SRSF12: variants seen among roughly 807,000 people sequenced by gnomAD.
SRSF12 encodes the protein serine/arginine-rich splicing factor 12.
A neutral mutation model predicts 34.1 loss-of-function variants in SRSF12; 21 were observed. The ratio of observed to expected loss-of-function variants is 0.62; its 90% CI spans 0.44 to 0.89. The LOEUF is 0.89. Among genes scored for constraint, SRSF12 ranks in the 40% least tolerant of loss-of-function variants. The probability of loss-of-function intolerance (pLI) is 0.00; values close to 1 mark genes in which losing one functional copy is unlikely to be tolerated. For synonymous variants in SRSF12, 111 were observed against 110.8 expected (o/e 1.00, Z -0.01); for missense variants, 278 against 327.8 (o/e 0.85, Z 1.17).
chr6:89,098,983 C>T (rs1477834715), intron 4 of SRSF12, 36 bp from the exon 5 acceptor site: 1 of 1,563,388 alleles, frequency 6.4e-7, no homozygotes, highest in Admixed American at 1.9e-5. Flanking sequence ...ATATATTTCA[C>T]ACAAAATAAG....
chr6:89,108,943 T>C (rs1264823803), intron 1 of SRSF12, among the ~76,000 whole-genome samples: 1 of 152,236 alleles, frequency 6.6e-6, no homozygotes, highest in East Asian at 1.9e-4. Flanking sequence ...CTTTATTTCA[T>C]TTAACACTCA....
At chr6:89,106,941 C>T (rs1409242775) in intron 2 of SRSF12, 1 of 593,800 alleles carries the variant, frequency 1.7e-6, no homozygotes, top group Non-Finnish European at 3.2e-6. Flanking sequence ...TTTTGTCTCG[C>T]CTGCTGGGTT....
rs2127999156 is a variant in SRSF12 at position 89,117,865 on chromosome 6, G to A, written c.23C>T (p.Pro8Leu). The change falls in exon 1 of 5, where the codon CCC becomes CTC. Residue 8 changes from proline (P) to leucine (L), a missense_variant. Pro to Leu is a moderately conservative substitution (Grantham distance 98). Coordinates refer to ENST00000452027, the MANE Select transcript of SRSF12 (RefSeq NM_080743.5). The part of the protein sequence containing the change: MSRYTRP[P>L]NTSLFIRNVA... ...GTTCCTGATGAACAGGGAGGTGTTGGGGGGCCTCGTGTAGCGAGACATGAC... is the reference window on the plus strand; with the variant it reads ...GTTCCTGATGAACAGGGAGGTGTTGAGGGGCCTCGTGTAGCGAGACATGAC... The A allele has an allele frequency of 6.4e-7, 1 of 1,563,408 alleles. No individual in the cohort carries two copies. Among genetic ancestry groups the A allele is most frequent in the Non-Finnish European group, 8.6e-7 (1 of 1,157,022 alleles).
At chr6:89,117,689 G>A (rs1769375037) in intron 1 of SRSF12, 134 bp downstream of exon 1, 3 of 858,636 alleles carry the variant, frequency 3.5e-6, no homozygotes, top group Non-Finnish European at 3.3e-6. Flanking sequence ...ACCTCCCCAA[G>A]TGGCGCAGCC....
chr6:89,101,109 C>CAAA (rs764910655), intron 4 of SRSF12, among the ~76,000 whole-genome samples: 3 of 54,630 alleles, frequency 5.5e-5, no homozygotes, highest in Non-Finnish European at 1.4e-4. Context: ...ACCTCCAAGA[C>CAAA]AAAAAAAAAA....
At position 89,105,154 on chromosome 6, in the gene SRSF12, C is replaced by T; in HGVS notation, c.381G>A (p.Trp127Ter). The change falls in exon 4 of 5, where the codon TGG becomes TGA. Residue 127 changes from tryptophan (W) to a stop codon, truncating the protein, a stop_gained. Coordinates refer to ENST00000452027, the MANE Select transcript of SRSF12 (RefSeq NM_080743.5). LOFTEE classifies it high-confidence loss of function. ...QRRTRSRSSS[W>*]GRNRRRSDSL... ...TGTCTGACCGCCTCCTATTTCTTCC[C>T]CATGAAGAACTTCTACTTCGAGTTC... 1 of 1,612,640 alleles carries T rather than the reference C, an allele frequency of 6.2e-7. No homozygotes were observed. The highest frequency in any genetic ancestry group is 1.1e-5 in the South Asian group (1 of 90,840).
At chr6:89,117,461 G>A (rs993587021) in intron 1 of SRSF12, among the ~76,000 whole-genome samples, 5 of 152,178 alleles carry the variant, frequency 3.3e-5, no homozygotes, top group Non-Finnish European at 5.9e-5. Flanking sequence ...TGAAACGCGG[G>A]CACTCGCTGG....
intron 4 of SRSF12, among the ~76,000 whole-genome samples, chr6:89,102,659 C>A (rs923249950): frequency 1.3e-5 from 2 of 152,184 alleles, no homozygotes; most frequent in African/African-American, 4.8e-5. Context: ...AATTTTAACA[C>A]TGTTCAGGAA....
intron 3 of SRSF12, 51 bp from the exon 4 acceptor site, chr6:89,105,311 C>T: frequency 1.3e-6 from 2 of 1,573,970 alleles, no homozygotes; most frequent in Non-Finnish European, 1.7e-6. Flanking sequence ...CTGAACACCA[C>T]AGTAACAACC....
intron 1 of SRSF12, among the ~76,000 whole-genome samples, chr6:89,107,719 GAC>G (rs958557608): frequency 6.6e-6 from 1 of 151,994 alleles, no homozygotes; most frequent in Non-Finnish European, 1.5e-5. Context: ...CAGCCTGGGT[GAC>G]AGAGTGAGAC....
chr6:89,114,998 A>G lies in SRSF12; in HGVS notation c.65+2825T>C, dbSNP rs528541526. On this transcript the variant is annotated intron_variant, in intron 1 of 4. Coordinates refer to ENST00000452027, the MANE Select transcript of SRSF12 (RefSeq NM_080743.5). Reference sequence around the variant, plus strand: ...TCTTTAGTAGAGACGGTGTTTTACCATGTTGGCCAGGCTGGTCTCAAACTC... The same window carrying G: ...TCTTTAGTAGAGACGGTGTTTTACCGTGTTGGCCAGGCTGGTCTCAAACTC... Among the ~76,000 whole-genome samples the G allele has an allele frequency of 5.9e-5, 9 of 152,154 alleles. No homozygotes were observed. In the South Asian group the frequency reaches 1.7e-3, roughly 28 times the overall value.
chr6:89,107,018 T>A (rs1768820573), intron 2 of SRSF12, 136 bp downstream of exon 2: 5 of 943,854 alleles, frequency 5.3e-6, no homozygotes, highest in Non-Finnish European at 8.3e-6. Flanking sequence ...TGTGGACTGC[T>A]TTAGATCTTC....
chr6:89,097,605 C>T lies in SRSF12; in HGVS notation c.*973G>A, dbSNP rs1204013735. 3.3e-5 allele frequency: 5 copies of T among 151,980 alleles called. No homozygotes were observed. The highest frequency in any genetic ancestry group is 4.8e-5 in the African/African-American group (2 of 41,376). The allele number at this position is 151,980 out of a possible 1,614,324, so 9.4% of individuals were successfully genotyped here. A position where few individuals can be genotyped will look rare whatever the true frequency, so the allele number is the denominator to read the frequency against. On this transcript the variant is annotated 3_prime_UTR_variant, in exon 5 of 5. Coordinates refer to ENST00000452027, the MANE Select transcript of SRSF12 (RefSeq NM_080743.5). ...CTGGCCTCAAGCAATCTGCCCGCCT[C>T]GACCTCCCAAAGTGCTGGGATTACA...
chr6:89,097,362 C>T lies in SRSF12; in HGVS notation c.*1216G>A, dbSNP rs191660323. On this transcript the variant is annotated 3_prime_UTR_variant, in exon 5 of 5. Coordinates refer to ENST00000452027, the MANE Select transcript of SRSF12 (RefSeq NM_080743.5). ...ACCAAAACCCTTTGAAAAACATAAA[C>T]TACAACACATTTTCAAAGAAATTAT... 2.0e-5 allele frequency: 3 copies of T among 152,196 alleles called. No homozygotes were observed. Among genetic ancestry groups the T allele is most frequent in the Non-Finnish European group, 4.4e-5 (3 of 68,012 alleles). The allele number at this position is 152,196 out of a possible 1,614,324, so 9.4% of individuals were successfully genotyped here.
intron 1 of SRSF12, among the ~76,000 whole-genome samples, chr6:89,108,475 A>C (rs1425315283): frequency 1.3e-5 from 2 of 152,210 alleles, no homozygotes; most frequent in South Asian, 4.1e-4. Context: ...CTAGAAATCA[A>C]ATTTTCAGTC....
In SRSF12 at chr6:89,099,445, T is replaced by TATATATATATATGTGTATATATATACAC. The variant is rs1562192026; in HGVS notation, c.417-499_417-498insGTGTATATATATACACATATATATATAT. ...ATATATGTGTGTATATATATACACA[T>TATATATATATATGTGTATATATATACAC]ATATATGTGTGTATATATGTGTGTG... On this transcript the variant is annotated intron_variant, in intron 4 of 4. Transcript: ENST00000452027. 1.5e-4 allele frequency among the ~76,000 whole-genome samples: 14 copies of TATATATATATATGTGTATATATATACAC among 91,360 alleles called. No homozygotes were observed. The East Asian group carries it at 4.3e-3, about 28-fold the overall frequency. The allele number at this position is 91,360 out of a possible 152,430, so 59.9% of individuals were successfully genotyped here. A position where few individuals can be genotyped will look rare whatever the true frequency, so the allele number is the denominator to read the frequency against.
At chr6:89,114,212 G>T (rs1769185723) in intron 1 of SRSF12, among the ~76,000 whole-genome samples, 1 of 152,176 alleles carries the variant, frequency 6.6e-6, no homozygotes, top group Admixed American at 6.5e-5. Flanking sequence ...CGGATTACCT[G>T]ACATCAAGAG....
intron 4 of SRSF12, among the ~76,000 whole-genome samples, chr6:89,101,994 C>T (rs951935040): frequency 8.6e-5 from 13 of 150,442 alleles, no homozygotes; most frequent in Non-Finnish European, 1.3e-4. Flanking sequence ...TGGTACTTCT[C>T]GGTGAGCTGA....
intron 1 of SRSF12, among the ~76,000 whole-genome samples, chr6:89,114,154 G>A (rs1370804860): frequency 3.9e-5 from 6 of 152,190 alleles, no homozygotes; most frequent in Non-Finnish European, 7.3e-5. Context: ...ACGGCCAGGC[G>A]CAGTGGCTCA....
Sources: allele counts gnomAD v4.1 joint callset (sites outside exome capture counted in the v4.1 genomes callset), GRCh38; gene constraint gnomAD v4.1.1; transcripts MANE v1.5; gene names NCBI Gene and HGNC (gene_info 2026-07-23, HGNC 2026-07-21).